LHFPL6: variants seen among roughly 807,000 people sequenced by gnomAD.
LHFPL6 encodes LHFPL tetraspan subfamily member 6 protein.
A neutral mutation model predicts 20.6 loss-of-function variants in LHFPL6; 9 were observed. The observed-to-expected ratio is 0.44, with a 90% CI of 0.26 to 0.76. The LOEUF (loss-of-function observed/expected upper bound fraction) is 0.76. Ranked by LOEUF, LHFPL6 falls within the 30% of genes least tolerant of loss-of-function variation. LHFPL6 has a pLI of 0.20. For missense variants in LHFPL6, 218 were observed against 253.5 expected (o/e 0.86, Z 0.95); for synonymous variants, 105 against 98.7 (o/e 1.06, Z -0.38).
rs530236982 is a variant in LHFPL6, at chr13:39,594,971, G to A, written c.385+5861C>T. 5.3e-5 allele frequency among the ~76,000 whole-genome samples: 8 copies of A among 152,214 alleles called. No homozygotes were observed. The South Asian group carries it at 1.7e-3, about 32-fold the overall frequency. On this transcript the variant is annotated intron_variant, in intron 2 of 3. Transcript: ENST00000379589. ...ATCACATACCGGGGCCTATTGTGGGGTGGGTGGAGGGAGGAGGGATAGCAT... is the reference window on the plus strand; with the variant it reads ...ATCACATACCGGGGCCTATTGTGGGATGGGTGGAGGGAGGAGGGATAGCAT...
intron 2 of LHFPL6, among the ~76,000 whole-genome samples, chr13:39,472,344 T>G (rs1872968796): frequency 6.6e-6 from 1 of 152,070 alleles, no homozygotes; most frequent in East Asian, 1.9e-4. Context: ...TTCACTCTCT[T>G]AAAGGCTCTT....
chr13:39,411,687 A>G (rs1215660595), intron 2 of LHFPL6, among the ~76,000 whole-genome samples: 3 of 152,202 alleles, frequency 2.0e-5, no homozygotes, highest in African/African-American at 7.2e-5. Flanking sequence ...GCTATGACAT[A>G]TCTGTGTGGG....
chr13:39,378,967 A>G (rs1870367300), intron 2 of LHFPL6, among the ~76,000 whole-genome samples: 1 of 152,176 alleles, frequency 6.6e-6, no homozygotes, highest in Admixed American at 6.5e-5. Context: ...AGTGTTGTCA[A>G]ATTTTCCCAG....
intron 2 of LHFPL6, among the ~76,000 whole-genome samples, chr13:39,506,812 C>T (rs1261910755): frequency 2.6e-5 from 4 of 152,132 alleles, no homozygotes; most frequent in Admixed American, 6.5e-5. Flanking sequence ...GCTTTTCTTT[C>T]ACTTGACAGC....
chr13:39,537,940 T>C (rs1870672252), intron 2 of LHFPL6, among the ~76,000 whole-genome samples: 1 of 151,850 alleles, frequency 6.6e-6, no homozygotes, highest in Non-Finnish European at 1.5e-5. Flanking sequence ...GTTCAACTTC[T>C]AGCTCTTTAC....
rs367913830 is a variant in LHFPL6, at chr13:39,578,730, G to A, written c.385+22102C>T. Among the ~76,000 whole-genome samples, 21 of 152,250 alleles carry A rather than the reference G, an allele frequency of 1.4e-4. 1 individual carries two copies. The East Asian group carries it at 1.9e-3, about 14-fold the overall frequency. On this transcript the variant is annotated intron_variant, in intron 2 of 3. Coordinates refer to ENST00000379589, the MANE Select transcript of LHFPL6 (RefSeq NM_005780.3). Reference sequence around the variant, plus strand: ...CAGGTTATGCTAAGAGGCCACAGTCGGGGGCCAGGGGAGCTGACAGTCATC... The same window carrying A: ...CAGGTTATGCTAAGAGGCCACAGTCAGGGGCCAGGGGAGCTGACAGTCATC...
intron 2 of LHFPL6, among the ~76,000 whole-genome samples, chr13:39,526,319 A>T (rs111742215): frequency 1.4e-4 from 22 of 152,196 alleles, no homozygotes; most frequent in African/African-American, 5.3e-4. Flanking sequence ...ATGTAGATAC[A>T]GATATACATG....
At position 39,343,652 on chromosome 13, in the gene LHFPL6, G is replaced by GTGTTT. The variant is rs1869310398; in HGVS notation, c.*283_*284insAAACA. The GTGTTT allele has an allele frequency of 4.1e-6, 1 of 245,102 alleles. No homozygotes were observed. Among genetic ancestry groups the GTGTTT allele is most frequent in the Non-Finnish European group, 7.7e-6 (1 of 129,888 alleles). The allele number at this position is 245,102 out of a possible 1,614,324, so 15.2% of individuals were successfully genotyped here. A position where few individuals can be genotyped will look rare whatever the true frequency, so the allele number is the denominator to read the frequency against. ...GTGTGTGTGTGTGTGTGTGTGTGTT[G>GTGTTT]TACATTAACAATACTCTGTGGAATA... On this transcript the variant is annotated 3_prime_UTR_variant, in exon 4 of 4. Transcript: ENST00000379589.
At chr13:39,448,893 G>T (rs1872365572) in intron 2 of LHFPL6, among the ~76,000 whole-genome samples, 1 of 152,200 alleles carries the variant, frequency 6.6e-6, no homozygotes, top group Admixed American at 6.5e-5. Context: ...TGCAATGAAA[G>T]GAACTTACTG....
At chr13:39,470,985 CACCATGAACTACATAGTTGAGGAAA>C (rs1872928831) in intron 2 of LHFPL6, among the ~76,000 whole-genome samples, 1 of 152,178 alleles carries the variant, frequency 6.6e-6, no homozygotes, top group Non-Finnish European at 1.5e-5. Context: ...CTCTTCTAGG[CACCATGAACTACATAGTTGAGGAAA>C]ACCATGAACT....
chr13:39,353,729 C>CA (rs1869653795), intron 3 of LHFPL6, among the ~76,000 whole-genome samples: 1 of 151,984 alleles, frequency 6.6e-6, no homozygotes, highest in Admixed American at 6.6e-5. Context: ...AACAAACAAA[C>CA]AAAAAAACTC....
intron 2 of LHFPL6, among the ~76,000 whole-genome samples, chr13:39,463,256 TC>T (rs903155856): frequency 3.9e-5 from 6 of 152,160 alleles, no homozygotes; most frequent in African/African-American, 1.4e-4. Context: ...TGACTCAATT[TC>T]CCCTACCATC....
At chr13:39,436,442 G>A (rs980841701) in intron 2 of LHFPL6, among the ~76,000 whole-genome samples, 1 of 152,152 alleles carries the variant, frequency 6.6e-6, no homozygotes, top group Non-Finnish European at 1.5e-5. Flanking sequence ...ATACATGACA[G>A]CAGCTTTAGT....
At chr13:39,517,132 T>G (rs1228291906) in intron 2 of LHFPL6, among the ~76,000 whole-genome samples, 1 of 152,180 alleles carries the variant, frequency 6.6e-6, no homozygotes, top group East Asian at 1.9e-4. Context: ...TCTAAAGGTT[T>G]GAAAGAAAAA....
At chr13:39,365,254 C>T (rs970514752) in intron 3 of LHFPL6, among the ~76,000 whole-genome samples, 3 of 152,136 alleles carry the variant, frequency 2.0e-5, no homozygotes, top group Non-Finnish European at 2.9e-5. Context: ...TGAAGAGGTG[C>T]TGCATTTCCT....
At position 39,421,684 on chromosome 13, in the gene LHFPL6, T is replaced by A. The variant is rs965385657; in HGVS notation, c.386-43158A>T. Among the ~76,000 whole-genome samples, 9 of 152,214 alleles carry A rather than the reference T, an allele frequency of 5.9e-5. No homozygotes were observed. In the South Asian group the frequency reaches 1.7e-3, roughly 28 times the overall value. On this transcript the variant is annotated intron_variant, in intron 2 of 3. Transcript: ENST00000379589. Reference sequence around the variant, plus strand: ...AAACAGTGGAGAAATTAATGGGGACTATTTTGGAAATTCACAGCTGTCATC... The same window carrying A: ...AAACAGTGGAGAAATTAATGGGGACAATTTTGGAAATTCACAGCTGTCATC...
intron 2 of LHFPL6, among the ~76,000 whole-genome samples, chr13:39,427,094 G>T (rs927333816): frequency 6.7e-6 from 1 of 148,918 alleles, no homozygotes; most frequent in Non-Finnish European, 1.5e-5. Context: ...TGTGCTTGTT[G>T]ATAATATATT....
chr13:39,579,736 T>C (rs1486379704), intron 2 of LHFPL6, among the ~76,000 whole-genome samples: 1 of 152,210 alleles, frequency 6.6e-6, no homozygotes, highest in East Asian at 1.9e-4. Context: ...AAAATATCAC[T>C]TCAACATACA....
intron 2 of LHFPL6, among the ~76,000 whole-genome samples, chr13:39,462,622 A>C (rs1027481250): frequency 6.6e-6 from 1 of 152,172 alleles, no homozygotes; most frequent in African/African-American, 2.4e-5. Flanking sequence ...GCTATGTGCT[A>C]TTCATTACCC....
Sources: allele counts gnomAD v4.1 joint callset (sites outside exome capture counted in the v4.1 genomes callset), GRCh38; gene constraint gnomAD v4.1.1; transcripts MANE v1.5; gene names NCBI Gene and HGNC (gene_info 2026-07-23, HGNC 2026-07-21).